The following FUT8 variants were observed in gnomAD, a reference collection of about 807,000 sequenced individuals.
FUT8 encodes the protein fucosyltransferase 8, also known as alpha-(1,6)-fucosyltransferase.
FUT8 carries 29 observed loss-of-function variants against 71.3 expected under a neutral mutation model. The ratio of observed to expected loss-of-function variants is 0.41; its 90% CI spans 0.30 to 0.55. The LOEUF (loss-of-function observed/expected upper bound fraction) is 0.55. Ranked by LOEUF, FUT8 falls within the 20% of genes least tolerant of loss-of-function variation. The pLI is 0.34. For missense variants in FUT8, 544 were observed against 702.1 expected (o/e 0.77, Z 2.55); for synonymous variants, 254 against 239.3 (o/e 1.06, Z -0.57).
At chr14:65,688,259 C>T (rs1211405388) in intron 7 of FUT8, among the ~76,000 whole-genome samples, 1 of 152,138 alleles carries the variant, frequency 6.6e-6, no homozygotes, top group Non-Finnish European at 1.5e-5. Flanking sequence ...CCCCACCTGC[C>T]TTGCCCCTTA....
the FUT8 span, among the ~76,000 whole-genome samples, chr14:65,379,445 G>T: frequency 6.6e-6 from 1 of 152,036 alleles, no homozygotes; most frequent in South Asian, 2.1e-4. Flanking sequence ...CAGGAGAATC[G>T]CTTGATCCTG....
chr14:65,546,922 T>A (rs563347419), intron 2 of FUT8, among the ~76,000 whole-genome samples: 19 of 151,886 alleles, frequency 1.3e-4, no homozygotes, highest in African/African-American at 4.3e-4. Context: ...GTCATTAGGC[T>A]ATTCAAGTAA....
At chr14:65,386,286 G>A in the FUT8 span, among the ~76,000 whole-genome samples, 1 of 151,496 alleles carries the variant, frequency 6.6e-6, no homozygotes, top group African/African-American at 2.4e-5. Context: ...CAGCCCAGGT[G>A]GATGGCTTGA....
Position 65,483,658 on chromosome 14 carries a change from T to G in FUT8, c.-228+27940T>G, listed in dbSNP as rs1009046139. On this transcript the variant is annotated intron_variant, in intron 2 of 10. Coordinates refer to ENST00000673929, the MANE Select transcript of FUT8 (RefSeq NM_001371533.1). The surrounding 1 kb of genome is among the most constrained non-coding windows in gnomAD (Gnocchi z 4.4). ...TGTACTGATCTTACCCATATTTTAT[T>G]AGGTTGATCTTTAAGTATTTTATAT... Among the ~76,000 whole-genome samples, 1 of 152,208 alleles carries G rather than the reference T, an allele frequency of 6.6e-6. No individual in the cohort carries two copies. Among genetic ancestry groups the G allele is most frequent in the Non-Finnish European group, 1.5e-5 (1 of 68,038 alleles).
At chr14:65,539,737 G>A (rs1160790500) in intron 2 of FUT8, among the ~76,000 whole-genome samples, 1 of 152,160 alleles carries the variant, frequency 6.6e-6, no homozygotes, top group African/African-American at 2.4e-5. Context: ...AAAACACTTT[G>A]TACAGGTTCC....
In FUT8 at chr14:65,742,077, T is replaced by C. The variant is rs374679031; in HGVS notation, c.1411-16T>C. On this transcript the variant is annotated splice_polypyrimidine_tract_variant and intron_variant, in intron 10 of 10. Coordinates refer to ENST00000673929, the MANE Select transcript of FUT8 (RefSeq NM_001371533.1). ...GTGTTTATATACTAACAATTTCTTT[T>C]AAATTCTTTCCCAAGGTCTGTCGAG... 3 of 1,602,978 alleles carry C rather than the reference T, an allele frequency of 1.9e-6. No homozygotes were observed. The highest frequency in any genetic ancestry group is 1.1e-5 in the South Asian group (1 of 90,126).
intron 2 of FUT8, among the ~76,000 whole-genome samples, chr14:65,463,335 C>T (rs1243903595): frequency 1.3e-5 from 2 of 152,120 alleles, no homozygotes; most frequent in Non-Finnish European, 2.9e-5. Flanking sequence ...GGCGCAGTCA[C>T]GGCTCACTGC....
chr14:65,412,540 G>A (rs1418348219), upstream of FUT8: 4 of 356,726 alleles, frequency 1.1e-5, no homozygotes, highest in Non-Finnish European at 1.7e-5. Flanking sequence ...TGCCCTGCTG[G>A]AACTGTGCCG....
chr14:65,481,606 C>G (rs80306507), intron 2 of FUT8, among the ~76,000 whole-genome samples: 4,946 of 152,174 alleles, frequency 0.033, 280 homozygotes, highest in African/African-American at 0.11. Context: ...AATCTTTTCC[C>G]CCACTACTAC....
intron 6 of FUT8, among the ~76,000 whole-genome samples, chr14:65,654,266 GATATAA>G (rs1440539756): frequency 6.6e-6 from 1 of 152,092 alleles, no homozygotes; most frequent in African/African-American, 2.4e-5. Context: ...GTTGTATATA[GATATAA>G]TTATCCCTAG....
intron 7 of FUT8, among the ~76,000 whole-genome samples, chr14:65,675,015 A>G (rs905691178): frequency 6.6e-6 from 1 of 152,256 alleles, no homozygotes; most frequent in Non-Finnish European, 1.5e-5. Context: ...CCACAAAAGA[A>G]AGAAAGATCT....
chr14:65,693,378 G>C (rs946907670), intron 7 of FUT8, among the ~76,000 whole-genome samples: 1 of 152,210 alleles, frequency 6.6e-6, no homozygotes, highest in Non-Finnish European at 1.5e-5. Flanking sequence ...GTGGCGGCGC[G>C]CGCCTGCAAT....
At position 65,743,918 on chromosome 14, in the gene FUT8, AG is replaced by A. The variant is rs572800746; in HGVS notation, c.*1511del. The A allele has an allele frequency of 3.9e-5, 6 of 151,970 alleles. No individual in the cohort carries two copies. The South Asian group carries it at 1.2e-3, about 32-fold the overall frequency. 9.4% of individuals were successfully genotyped at this position (151,970 alleles called of 1,614,324 possible). A position where few individuals can be genotyped will look rare whatever the true frequency, so the allele number is the denominator to read the frequency against. Reference sequence around the variant, plus strand: ...ACTATCAGGCCTAGTGTGAAATATTAGGGATCCTAGGCAGAAGAGCTATTAG... The same window carrying A: ...ACTATCAGGCCTAGTGTGAAATATTAGGATCCTAGGCAGAAGAGCTATTAG... On this transcript the variant is annotated 3_prime_UTR_variant, in exon 11 of 11. Coordinates refer to ENST00000673929, the MANE Select transcript of FUT8 (RefSeq NM_001371533.1).
chr14:65,513,240 A>G (rs1379322155), intron 2 of FUT8, among the ~76,000 whole-genome samples: 2 of 152,186 alleles, frequency 1.3e-5, no homozygotes, highest in Non-Finnish European at 2.9e-5. Flanking sequence ...GTTGACATCT[A>G]TTTGCATGTT....
chr14:65,575,377 A>T (rs1311845031), intron 3 of FUT8, among the ~76,000 whole-genome samples: 1 of 151,986 alleles, frequency 6.6e-6, no homozygotes, highest in Non-Finnish European at 1.5e-5. Flanking sequence ...TTTTCCTGTA[A>T]TTATATGTAT....
intron 3 of FUT8, among the ~76,000 whole-genome samples, chr14:65,564,390 C>T (rs1043385900): frequency 3.9e-5 from 6 of 151,944 alleles, no homozygotes; most frequent in African/African-American, 1.4e-4. Context: ...AAGCCATTAA[C>T]AAATCTTTCG....
chr14:65,485,718 C>T (rs2066399211), intron 2 of FUT8, among the ~76,000 whole-genome samples: 2 of 152,212 alleles, frequency 1.3e-5, no homozygotes, highest in Non-Finnish European at 1.5e-5. Context: ...CGTAGCCACC[C>T]TGCTACTTTC....
the FUT8 span, among the ~76,000 whole-genome samples, chr14:65,395,430 C>G: frequency 6.6e-6 from 1 of 152,390 alleles, no homozygotes; most frequent in East Asian, 1.9e-4. Context: ...CCACACACTT[C>G]CATACATCCT....
intron 2 of FUT8, among the ~76,000 whole-genome samples, chr14:65,530,287 G>A (rs1883852585): frequency 6.6e-6 from 1 of 152,072 alleles, no homozygotes; most frequent in Non-Finnish European, 1.5e-5. Context: ...CAATTATAGG[G>A]CTCACCTTTT....
Sources: allele counts gnomAD v4.1 joint callset (sites outside exome capture counted in the v4.1 genomes callset), GRCh38; gene constraint gnomAD v4.1.1; non-coding constraint Gnocchi (gnomAD v3.1); transcripts MANE v1.5; gene names NCBI Gene and HGNC (gene_info 2026-07-23, HGNC 2026-07-21).